TTC21B: variants seen among roughly 807,000 people sequenced by gnomAD.
The protein encoded by TTC21B is tetratricopeptide repeat protein 21B.
In TTC21B, 127 loss-of-function variants were observed where a neutral mutation model predicts 175.1. That is an observed-to-expected ratio of 0.73 (90% CI 0.63 to 0.84). TTC21B has a LOEUF of 0.84. Among genes scored for constraint, TTC21B ranks in the 40% least tolerant of loss-of-function variants. TTC21B has a pLI of 0.00. For synonymous variants in TTC21B, 524 were observed against 524.5 expected (o/e 1.00, Z 0.01); for missense variants, 1,561 against 1,558.3 (o/e 1.00, Z -0.03).
chr2:165,913,411 C>T (rs1197159137), intron 16 of TTC21B, among the ~76,000 whole-genome samples, 163 bp downstream of exon 16: 3 of 152,170 alleles, frequency 2.0e-5, no homozygotes, highest in African/African-American at 7.2e-5. Flanking sequence ...TGATATCTCC[C>T]TTTTATTTTA....
chr2:165,938,870 T>G (rs1208915668), intron 6 of TTC21B, among the ~76,000 whole-genome samples: 1 of 152,102 alleles, frequency 6.6e-6, no homozygotes, highest in African/African-American at 2.4e-5. Flanking sequence ...GGATCCTGAT[T>G]AAAAAATAAT....
chr2:165,892,122 T>C (rs777025622), intron 22 of TTC21B, among the ~76,000 whole-genome samples: 13 of 152,180 alleles, frequency 8.5e-5, no homozygotes, highest in Non-Finnish European at 1.3e-4. Context: ...ACATTATTTA[T>C]TTCTTTATAG....
intron 21 of TTC21B, among the ~76,000 whole-genome samples, chr2:165,899,514 T>A (rs573405867): frequency 3.8e-4 from 58 of 152,164 alleles, no homozygotes; most frequent in African/African-American, 1.2e-3. Flanking sequence ...TGACCAAGCA[T>A]CCCCTTAGGC....
chr2:165,953,048 A>G (rs1055317590), intron 1 of TTC21B, among the ~76,000 whole-genome samples: 4 of 152,244 alleles, frequency 2.6e-5, no homozygotes, highest in African/African-American at 9.6e-5. Context: ...ACATACAGTA[A>G]CCCTTCATAA....
chr2:165,945,679 T>C lies in TTC21B; in HGVS notation c.274A>G (p.Ile92Val). Residue 92 changes from isoleucine to valine, a missense_variant, in exon 4 of 29, where the codon ATT becomes GTT. By Grantham distance (29) the Ile-to-Val change is conservative. Transcript: ENST00000243344. ...KMSPNPDREA[I>V]LESDARVKEQ... is the part of the protein sequence containing the mutation. ...TTCACTCTGGCATCTGATTCCAGAA[T>C]AGCTTCTCTATCTGGTAGGGGAAAA... The C allele has an allele frequency of 6.2e-7, 1 of 1,613,246 alleles. No individual in the cohort carries two copies. Among genetic ancestry groups the C allele is most frequent in the Non-Finnish European group, 8.5e-7 (1 of 1,179,780 alleles).
At chr2:165,914,691 G>GTGTGTGTGTGTGTGTGTC (rs1245233255) in intron 15 of TTC21B, among the ~76,000 whole-genome samples, 16 of 148,362 alleles carry the variant, frequency 1.1e-4, no homozygotes, top group African/African-American at 4.2e-4. Flanking sequence ...GTGTGTGTGT[G>GTGTGTGTGTGTGTGTGTC]TGTGTGTTGT....
intron 25 of TTC21B, among the ~76,000 whole-genome samples, chr2:165,887,644 G>A (rs1372703307): frequency 1.3e-5 from 2 of 151,722 alleles, no homozygotes. Flanking sequence ...CTGAGATCGC[G>A]CCATTGCACT....
chr2:165,921,804 T>G (rs1686416244), intron 12 of TTC21B, among the ~76,000 whole-genome samples: 1 of 151,084 alleles, frequency 6.6e-6, no homozygotes, highest in South Asian at 2.1e-4. Flanking sequence ...TTTTTTTTTT[T>G]GGTTACTAGA....
At chr2:165,905,832 GTATT>G (rs1685708812) in intron 19 of TTC21B, among the ~76,000 whole-genome samples, 1 of 152,134 alleles carries the variant, frequency 6.6e-6, no homozygotes, top group Non-Finnish European at 1.5e-5. Flanking sequence ...GTTGAACTAA[GTATT>G]TATTAGGTTG....
At chr2:165,900,030 G>T (rs1300182467) in intron 20 of TTC21B, 150 bp from the exon 21 acceptor site, 7 of 606,718 alleles carry the variant, frequency 1.2e-5, no homozygotes, top group African/African-American at 4.2e-5. Context: ...AAAAACAACA[G>T]TATGTATACC....
At chr2:165,949,806 C>G (rs1687705836) in intron 1 of TTC21B, 82 bp from the exon 2 acceptor site, 1 of 1,386,732 alleles carries the variant, frequency 7.2e-7, no homozygotes, top group African/African-American at 1.4e-5. Context: ...AATCTAACAT[C>G]TAGAATAATG....
At chr2:165,880,873 G>T (rs1448332352) in intron 26 of TTC21B, 74 bp from the exon 27 acceptor site, 14 of 1,476,538 alleles carry the variant, frequency 9.5e-6, no homozygotes, top group African/African-American at 1.4e-5. Flanking sequence ...TGTGACTATA[G>T]AGGTCAATCA....
chr2:165,952,817 G>T (rs183088147), intron 1 of TTC21B, among the ~76,000 whole-genome samples: 7 of 152,280 alleles, frequency 4.6e-5, no homozygotes, highest in Admixed American at 2.0e-4. Flanking sequence ...CCTACTTGTT[G>T]TCTGACTCCT....
intron 6 of TTC21B, among the ~76,000 whole-genome samples, chr2:165,938,803 G>A (rs780475524): frequency 6.6e-6 from 1 of 152,148 alleles, no homozygotes; most frequent in Middle Eastern, 3.4e-3. Flanking sequence ...CACAGAGACA[G>A]GGAGACAGCC....
intron 27 of TTC21B, among the ~76,000 whole-genome samples, chr2:165,878,109 T>G (rs1292144082): frequency 6.6e-6 from 1 of 152,136 alleles, no homozygotes; most frequent in Non-Finnish European, 1.5e-5. Context: ...ATTTTAAAAA[T>G]CATATAAAAT....
At chr2:165,899,124 A>G (rs1685467820) in intron 21 of TTC21B, among the ~76,000 whole-genome samples, 1 of 152,228 alleles carries the variant, frequency 6.6e-6, no homozygotes, top group Non-Finnish European at 1.5e-5. Context: ...TAATGAGACG[A>G]TTCAAAAATG....
chr2:165,875,983 T>C (rs1047480633), intron 28 of TTC21B, among the ~76,000 whole-genome samples, 182 bp downstream of exon 28: 3 of 152,144 alleles, frequency 2.0e-5, no homozygotes, highest in Non-Finnish European at 4.4e-5. Context: ...AAAAACATGT[T>C]TTTTATTTAG....
rs910934964 is a variant in TTC21B, at chr2:165,874,310, C to A, written c.*445G>T. 6 of 155,082 alleles carry A rather than the reference C, an allele frequency of 3.9e-5. No individual in the cohort carries two copies. The highest frequency in any genetic ancestry group is 1.4e-4 in the African/African-American group (6 of 41,594). The allele number at this position is 155,082 out of a possible 1,614,324, so 9.6% of individuals were successfully genotyped here. On this transcript the variant is annotated 3_prime_UTR_variant, in exon 29 of 29. Coordinates refer to ENST00000243344, the MANE Select transcript of TTC21B (RefSeq NM_024753.5). Reference sequence around the variant, plus strand: ...GCAGTGAGCCAAGATCGTGCCACTGCACTCCAGCCTGGGCGGCAGATCAAG... The same window carrying A: ...GCAGTGAGCCAAGATCGTGCCACTGAACTCCAGCCTGGGCGGCAGATCAAG...
Position 165,911,256 on chromosome 2 carries a change from T to C in TTC21B, c.2461+71A>G, listed in dbSNP as rs1685921617. On this transcript the variant is annotated intron_variant, in intron 18 of 28. Transcript: ENST00000243344. The stretch of plus-strand genomic sequence containing the variant: ...ATAAAATATTGAGAATACAAATACA[T>C]ATTTATGCAATATAAAAATAAAATG... The C allele has an allele frequency of 1.9e-6, 3 of 1,558,234 alleles. No homozygotes were observed. The African/African-American group carries it at 4.1e-5, about 21-fold the overall frequency.
Sources: gnomAD v4.1 joint callset for allele counts (sites outside exome capture counted in the v4.1 genomes callset) on GRCh38, gnomAD v4.1.1 for gene constraint, MANE v1.5 for transcripts, NCBI Gene and HGNC (gene_info 2026-07-23, HGNC 2026-07-21) for gene names.